The following LRP1B variants were observed in gnomAD, a reference collection of about 807,000 sequenced individuals.
LRP1B encodes the protein low-density lipoprotein receptor-related protein 1B.
A neutral mutation model predicts 556.6 loss-of-function variants in LRP1B; 217 were observed. The observed-to-expected ratio is 0.39, with a 90% CI of 0.35 to 0.44. The LOEUF is 0.44. Among genes scored for constraint, LRP1B ranks in the 20% least tolerant of loss-of-function variants. The probability of loss-of-function intolerance (pLI) is 1.00; values close to 1 mark genes in which losing one functional copy is unlikely to be tolerated. For synonymous variants in LRP1B, 2,047 were observed against 1,865.8 expected (o/e 1.10, Z -2.50); for missense variants, 5,053 against 5,620.8 (o/e 0.90, Z 3.23).
chr2:141,456,699 G>C (rs890160257), intron 3 of LRP1B, among the ~76,000 whole-genome samples: 2 of 152,198 alleles, frequency 1.3e-5, no homozygotes, highest in Non-Finnish European at 2.9e-5. Flanking sequence ...TAAAATGCCT[G>C]GGCTGAGCTT....
At position 140,343,716 on chromosome 2, in the gene LRP1B, T is replaced by G. The variant is rs1681511987; in HGVS notation, c.11892+7081A>C. On this transcript the variant is annotated intron_variant, in intron 77 of 90. Transcript: ENST00000389484. ...GTAGGTTCATAAATAGGTAAATAGCTAATCAAATGATGGTATATCCACGTA... is the reference window on the plus strand; with the variant it reads ...GTAGGTTCATAAATAGGTAAATAGCGAATCAAATGATGGTATATCCACGTA... 2.6e-5 allele frequency among the ~76,000 whole-genome samples: 4 copies of G among 151,668 alleles called. No individual in the cohort carries two copies. The Admixed American group carries it at 2.6e-4, about 10-fold the overall frequency.
chr2:141,179,349 T>G (rs1195430647), intron 7 of LRP1B, among the ~76,000 whole-genome samples: 1 of 152,040 alleles, frequency 6.6e-6, no homozygotes, highest in Non-Finnish European at 1.5e-5. Context: ...TTTCTTTGTA[T>G]GTTTCTTTTT....
chr2:141,426,768 G>A (rs1573933304), intron 3 of LRP1B, among the ~76,000 whole-genome samples: 2 of 152,124 alleles, frequency 1.3e-5, no homozygotes, highest in African/African-American at 4.8e-5. Context: ...TTTCCCAGTG[G>A]ATCAGAAAGA....
chr2:141,416,073 G>A (rs563848227), intron 3 of LRP1B, among the ~76,000 whole-genome samples: 1 of 152,278 alleles, frequency 6.6e-6, no homozygotes, highest in East Asian at 1.9e-4. Context: ...TAAATGAAAT[G>A]TTTGTGTTTT....
chr2:140,483,597 G>GAC (rs1226188096), intron 59 of LRP1B, among the ~76,000 whole-genome samples: 1,529 of 118,174 alleles, frequency 0.013, 52 homozygotes, highest in African/African-American at 0.046. Flanking sequence ...CATATATATA[G>GAC]ACACACACAC....
Position 140,907,764 on chromosome 2 carries a change from T to C in LRP1B, c.3520+113A>G, listed in dbSNP as rs180957104. ...GTAGACAAGGTTCAATGCTAAAAGCTACATTTAAAGGGAATGAATGAAAGG... is the reference window on the plus strand; with the variant it reads ...GTAGACAAGGTTCAATGCTAAAAGCCACATTTAAAGGGAATGAATGAAAGG... On this transcript the variant is annotated intron_variant, in intron 22 of 90. Transcript: ENST00000389484. The C allele has an allele frequency of 2.1e-4, 199 of 938,206 alleles. No individual in the cohort carries two copies. In the Admixed American group the frequency reaches 3.8e-3, roughly 18 times the overall value. 58.1% of individuals were successfully genotyped at this position (938,206 alleles called of 1,614,324 possible).
intron 77 of LRP1B, among the ~76,000 whole-genome samples, chr2:140,340,400 C>A (rs1226929841): frequency 1.3e-5 from 2 of 151,416 alleles, no homozygotes; most frequent in Non-Finnish European, 3.0e-5. Context: ...TTTCATATAG[C>A]CTTAAATACA....
Position 141,154,754 on chromosome 2 carries a change from T to C in LRP1B, c.1013+33667A>G, listed in dbSNP as rs1408562340. Among the ~76,000 whole-genome samples the C allele has an allele frequency of 3.3e-5, 5 of 151,936 alleles. No homozygotes were observed. The East Asian group carries it at 7.7e-4, about 23-fold the overall frequency. On this transcript the variant is annotated intron_variant, in intron 7 of 90. Coordinates refer to ENST00000389484, the MANE Select transcript of LRP1B (RefSeq NM_018557.3). ...TGAATTTTCACTAATTCTTATCTGTTACTACTTCTACATGTCTCTAAAAAG... is the reference window on the plus strand; with the variant it reads ...TGAATTTTCACTAATTCTTATCTGTCACTACTTCTACATGTCTCTAAAAAG...
At chr2:141,117,388 T>A (rs1475910615) in intron 7 of LRP1B, among the ~76,000 whole-genome samples, 2 of 151,982 alleles carry the variant, frequency 1.3e-5, no homozygotes, top group Non-Finnish European at 2.9e-5. Context: ...TAAACATGCT[T>A]TTAAATCAGG....
At chr2:141,174,242 C>A (rs1022121459) in intron 7 of LRP1B, among the ~76,000 whole-genome samples, 1 of 151,972 alleles carries the variant, frequency 6.6e-6, no homozygotes, top group Non-Finnish European at 1.5e-5. Flanking sequence ...GTTTCTAGTC[C>A]ATCCAGAGAA....
chr2:141,467,846 G>GGGA (rs1682303116), intron 3 of LRP1B, among the ~76,000 whole-genome samples: 1 of 53,152 alleles, frequency 1.9e-5, no homozygotes, highest in Non-Finnish European at 4.8e-5. Flanking sequence ...GACCGGGGGG[G>GGGA]GGGGAATTCC....
intron 2 of LRP1B, among the ~76,000 whole-genome samples, chr2:141,498,439 C>T (rs1425203433): frequency 1.3e-5 from 2 of 150,852 alleles, no homozygotes; most frequent in African/African-American, 4.9e-5. Flanking sequence ...CTCTTCAAGA[C>T]ATTTTTTTTA....
At chr2:141,254,328 A>T (rs1684380239) in intron 4 of LRP1B, among the ~76,000 whole-genome samples, 194 bp downstream of exon 4, 1 of 152,094 alleles carries the variant, frequency 6.6e-6, no homozygotes, top group Non-Finnish European at 1.5e-5. Context: ...TACTGCAAAA[A>T]AATTGAAATT....
intron 1 of LRP1B, among the ~76,000 whole-genome samples, chr2:141,849,295 C>A (rs1427406781): frequency 6.6e-6 from 1 of 151,630 alleles, no homozygotes; most frequent in Admixed American, 6.6e-5. Flanking sequence ...TCTTCATAAT[C>A]ATTTCATGTC....
intron 20 of LRP1B, among the ~76,000 whole-genome samples, chr2:140,925,780 G>A (rs754121080): frequency 4.6e-5 from 7 of 152,198 alleles, no homozygotes; most frequent in Admixed American, 2.0e-4. Flanking sequence ...ATTAGGGAGC[G>A]TCTTGGGCTG....
intron 4 of LRP1B, among the ~76,000 whole-genome samples, chr2:141,248,044 C>T (rs770768862): frequency 1.3e-5 from 2 of 152,100 alleles, no homozygotes; most frequent in Non-Finnish European, 2.9e-5. Context: ...CCTGTCTCTA[C>T]TAAAAATGCA....
chr2:140,643,167 T>A (rs1684364073), intron 41 of LRP1B, among the ~76,000 whole-genome samples: 1 of 152,130 alleles, frequency 6.6e-6, no homozygotes, highest in Non-Finnish European at 1.5e-5. Context: ...CCTTTTTTCT[T>A]AAATACAGAA....
intron 3 of LRP1B, among the ~76,000 whole-genome samples, chr2:141,371,555 A>T (rs72846093): frequency 6.6e-6 from 1 of 151,856 alleles, no homozygotes; most frequent in Admixed American, 6.6e-5. Flanking sequence ...TTCTTTCTTC[A>T]GGGTTTTGTA....
chr2:141,228,368 GGAGA>G lies in LRP1B; in HGVS notation c.850+811_850+814del, dbSNP rs1683325389. ...CCCATGTGGAAGCAGGGAGAGAGAA[GGAGA>G]GAGAGAATATGTGTGCATCTCTGGG... On this transcript the variant is annotated intron_variant, in intron 6 of 90. Coordinates refer to ENST00000389484, the MANE Select transcript of LRP1B (RefSeq NM_018557.3). Among the ~76,000 whole-genome samples the G allele has an allele frequency of 3.3e-5, 5 of 152,200 alleles. No homozygotes were observed. The South Asian group carries it at 1.0e-3, about 32-fold the overall frequency.
Sources: allele counts gnomAD v4.1 joint callset (sites outside exome capture counted in the v4.1 genomes callset), GRCh38; gene constraint gnomAD v4.1.1; transcripts MANE v1.5; gene names NCBI Gene and HGNC (gene_info 2026-07-23, HGNC 2026-07-21).